Variants in SYNJ2BP observed in about 807,000 individuals in gnomAD.
SYNJ2BP encodes the protein synaptojanin-2-binding protein.
SYNJ2BP carries 10 observed loss-of-function variants against 16.9 expected under a neutral mutation model. The observed-to-expected ratio is 0.59, with a 90% CI of 0.36 to 1.00. The LOEUF is 1.00. Ranked by LOEUF, SYNJ2BP falls within the 50% of genes least tolerant of loss-of-function variation. SYNJ2BP has a pLI of 0.01. For missense variants in SYNJ2BP, 162 were observed against 186.7 expected, an observed-to-expected ratio of 0.87 and a Z score of 0.77; for synonymous variants, 54 against 68.4, an observed-to-expected ratio of 0.79 and a Z score of 1.04.
chr14:70,400,763 T>C (rs1888218066), intron 1 of SYNJ2BP, among the ~76,000 whole-genome samples: 1 of 152,230 alleles, frequency 6.6e-6, no homozygotes, highest in Non-Finnish European at 1.5e-5. Flanking sequence ...GTAGTCTCAA[T>C]TACATGTTAT....
intron 1 of SYNJ2BP, among the ~76,000 whole-genome samples, chr14:70,406,896 G>C (rs1327437301): frequency 1.3e-5 from 2 of 152,164 alleles, no homozygotes; most frequent in Non-Finnish European, 2.9e-5. Flanking sequence ...AGCGCTGTGT[G>C]AATGAAACTC....
At chr14:70,398,861 G>A (rs944839041) in intron 1 of SYNJ2BP, among the ~76,000 whole-genome samples, 20 of 152,116 alleles carry the variant, frequency 1.3e-4, no homozygotes, top group Admixed American at 9.8e-4. Context: ...CCCTGCTGTC[G>A]CCCTGGCGCT....
At chr14:70,398,917 TATAGGGGGCCTCTAGGAGCAG>T (rs1418752786) in intron 1 of SYNJ2BP, among the ~76,000 whole-genome samples, 1 of 152,112 alleles carries the variant, frequency 6.6e-6, no homozygotes, top group Non-Finnish European at 1.5e-5. Context: ...CAGCCCTGCC[TATAGGGGGCCTCTAGGAGCAG>T]ATAGGGGGCC....
chr14:70,384,504 G>C (rs1594946029), intron 2 of SYNJ2BP, among the ~76,000 whole-genome samples: 1 of 152,092 alleles, frequency 6.6e-6, no homozygotes, highest in East Asian at 1.9e-4. Context: ...GTAAGTGATG[G>C]AACAGGCTGT....
At chr14:70,373,202 C>T (rs1430884222) in intron 3 of SYNJ2BP, 71 bp from the exon 4 acceptor site, 11 of 1,581,586 alleles carry the variant, frequency 7.0e-6, no homozygotes, top group Non-Finnish European at 8.6e-6. Context: ...CAGGTTGATA[C>T]ATCACCTGGG....
At chr14:70,387,403 T>C (rs1887882444) in intron 2 of SYNJ2BP, among the ~76,000 whole-genome samples, 1 of 152,222 alleles carries the variant, frequency 6.6e-6, no homozygotes, top group African/African-American at 2.4e-5. Context: ...GACTGTATGC[T>C]TGTTCTAATT....
At position 70,386,024 on chromosome 14, in the gene SYNJ2BP, G is replaced by A. The variant is rs562917653; in HGVS notation, c.201+2446C>T. Among the ~76,000 whole-genome samples the A allele has an allele frequency of 6.6e-5, 10 of 152,256 alleles. No homozygotes were observed. In the South Asian group the frequency reaches 1.7e-3, roughly 25 times the overall value. Reference sequence around the variant, plus strand: ...CCATTCTCATTTTGCAATAATCTACGTTTAACCAAAGCTTTTAAAATAATA... The same window carrying A: ...CCATTCTCATTTTGCAATAATCTACATTTAACCAAAGCTTTTAAAATAATA... On this transcript the variant is annotated intron_variant, in intron 2 of 3. Coordinates refer to ENST00000256366, the MANE Select transcript of SYNJ2BP (RefSeq NM_018373.3).
Position 70,372,925 on chromosome 14 carries a change from G to T in SYNJ2BP, c.*66C>A. On this transcript the variant is annotated 3_prime_UTR_variant, in exon 4 of 4. Transcript: ENST00000256366. ...TGCAGAGAGAGGGAAAGACATGGCAGAATAGCAGGGGTGGAGGGTGAGTGA... is the reference window on the plus strand; with the variant it reads ...TGCAGAGAGAGGGAAAGACATGGCATAATAGCAGGGGTGGAGGGTGAGTGA... 1 of 1,593,144 alleles carries T rather than the reference G, an allele frequency of 6.3e-7. No homozygotes were observed. Among genetic ancestry groups the T allele is most frequent in the South Asian group, 1.1e-5 (1 of 87,486 alleles).
intron 2 of SYNJ2BP, among the ~76,000 whole-genome samples, chr14:70,384,295 T>A (rs1887813026): frequency 6.6e-6 from 1 of 152,216 alleles, no homozygotes. Context: ...AAATGGGGCA[T>A]ATTTTATAAC....
intron 1 of SYNJ2BP, among the ~76,000 whole-genome samples, chr14:70,393,118 A>T (rs1330011894): frequency 1.3e-5 from 2 of 152,230 alleles, no homozygotes; most frequent in African/African-American, 4.8e-5. Context: ...TACAAGGAAA[A>T]AACAAACAAC....
At chr14:70,374,547 A>T (rs1305759859) in intron 3 of SYNJ2BP, among the ~76,000 whole-genome samples, 1 of 152,254 alleles carries the variant, frequency 6.6e-6, no homozygotes, top group Non-Finnish European at 1.5e-5. Context: ...AGGAGGAATT[A>T]TATCTACCCA....
chr14:70,399,000 G>A (rs367874207), intron 1 of SYNJ2BP, among the ~76,000 whole-genome samples: 5 of 152,110 alleles, frequency 3.3e-5, no homozygotes, highest in East Asian at 1.9e-4. Flanking sequence ...TGTCAGGCTC[G>A]GAAGTCACCC....
intron 3 of SYNJ2BP, among the ~76,000 whole-genome samples, chr14:70,373,874 T>C (rs1200161951): frequency 3.3e-5 from 5 of 152,274 alleles, no homozygotes; most frequent in Admixed American, 2.6e-4. Context: ...TTTTAGTGGC[T>C]AACTTGCAAT....
chr14:70,403,585 G>A lies in SYNJ2BP; in HGVS notation c.64+13315C>T, dbSNP rs369997278. ...TCCTCACTGCTACACTCCCACCAGC[G>A]CCAAGACAGTTTACAAATGCCATGG... On this transcript the variant is annotated intron_variant, in intron 1 of 3. Coordinates refer to ENST00000256366, the MANE Select transcript of SYNJ2BP (RefSeq NM_018373.3). Among the ~76,000 whole-genome samples, 10 of 152,110 alleles carry A rather than the reference G, an allele frequency of 6.6e-5. No individual in the cohort carries two copies. In the East Asian group the frequency reaches 9.6e-4, roughly 15 times the overall value.
At chr14:70,385,451 G>A (rs1887839568) in intron 2 of SYNJ2BP, among the ~76,000 whole-genome samples, 1 of 152,154 alleles carries the variant, frequency 6.6e-6, no homozygotes, top group African/African-American at 2.4e-5. Context: ...CTGCCTCCCA[G>A]GTTCAAGCGA....
At chr14:70,384,382 A>G (rs1887814748) in intron 2 of SYNJ2BP, among the ~76,000 whole-genome samples, 1 of 152,234 alleles carries the variant, frequency 6.6e-6, no homozygotes, top group Admixed American at 6.5e-5. Flanking sequence ...TACATAATTT[A>G]GCATCATTTT....
Position 70,387,755 on chromosome 14 carries a change from C to T in SYNJ2BP, c.201+715G>A, listed in dbSNP as rs28470961. Among the ~76,000 whole-genome samples the T allele has an allele frequency of 8.8e-3, 1,334 of 150,786 alleles. 21 individuals are homozygous for T. Among genetic ancestry groups the T allele is most frequent in the African/African-American group, 0.031 (1,289 of 41,050 alleles). On this transcript the variant is annotated intron_variant, in intron 2 of 3. Transcript: ENST00000256366. ...CTGAGGCAGGAGAATCGCTTGAACC[C>T]GGGAGGCAGAGGTTGCGGTGAGCCA...
Position 70,390,503 on chromosome 14 carries a change from C to T in SYNJ2BP, c.65-1897G>A, listed in dbSNP as rs959680402. Among the ~76,000 whole-genome samples the T allele has an allele frequency of 1.6e-4, 25 of 151,886 alleles. 1 individual carries two copies. Among genetic ancestry groups the T allele is most frequent in the Admixed American group, 3.3e-4 (5 of 15,240 alleles). On this transcript the variant is annotated intron_variant, in intron 1 of 3. Coordinates refer to ENST00000256366, the MANE Select transcript of SYNJ2BP (RefSeq NM_018373.3). ...CTAACACAGTGAAACCCTGTCTCTA[C>T]TAAAAATACAAAAAATCACCTGGGC...
At chr14:70,416,766 C>G (rs1218512434) in intron 1 of SYNJ2BP, 134 bp downstream of exon 1, 2 of 1,338,932 alleles carry the variant, frequency 1.5e-6, no homozygotes, top group East Asian at 4.7e-5. Flanking sequence ...TCTAAGCACC[C>G]CGAAGCGTTG....
Sources: allele counts gnomAD v4.1 joint callset (sites outside exome capture counted in the v4.1 genomes callset), GRCh38; gene constraint gnomAD v4.1.1; transcripts MANE v1.5; gene names NCBI Gene and HGNC (gene_info 2026-07-23, HGNC 2026-07-21).